STK38: variants seen among roughly 807,000 people sequenced by gnomAD.
The protein encoded by STK38 is serine/threonine-protein kinase 38.
In STK38, 26 loss-of-function variants were observed where a neutral mutation model predicts 59.0. The ratio of observed to expected loss-of-function variants is 0.44; its 90% CI spans 0.32 to 0.61. The LOEUF (loss-of-function observed/expected upper bound fraction) is 0.61. Ranked by LOEUF, STK38 falls within the 20% of genes least tolerant of loss-of-function variation. The pLI is 0.04. For synonymous variants in STK38, 175 were observed against 176.6 expected (o/e 0.99, Z 0.07); for missense variants, 433 against 566.0 (o/e 0.76, Z 2.38).
chr6:36,536,849 T>C (rs1439644129), intron 2 of STK38, among the ~76,000 whole-genome samples: 1 of 150,340 alleles, frequency 6.7e-6, no homozygotes, highest in Non-Finnish European at 1.5e-5. Context: ...ATTAGTTAAT[T>C]TTTTTTTTTT....
chr6:36,508,262 A>T (rs1286884636), intron 7 of STK38, among the ~76,000 whole-genome samples: 1 of 152,066 alleles, frequency 6.6e-6, no homozygotes, highest in Non-Finnish European at 1.5e-5. Flanking sequence ...AAGTCTACAT[A>T]ATATTCAGTT....
At chr6:36,517,668 A>T in intron 6 of STK38, 49 bp downstream of exon 6, 1 of 1,600,012 alleles carries the variant, frequency 6.2e-7, no homozygotes, top group Non-Finnish European at 8.5e-7. Flanking sequence ...TGAGAGAAAG[A>T]AACCACAGAA....
intron 7 of STK38, among the ~76,000 whole-genome samples, chr6:36,508,984 G>C (rs1001217836): frequency 5.3e-5 from 8 of 152,166 alleles, no homozygotes; most frequent in East Asian, 1.9e-4. Context: ...AGCCCTAAAG[G>C]GGGTGTCACA....
intron 7 of STK38, among the ~76,000 whole-genome samples, chr6:36,514,097 G>T (rs1174317150): frequency 6.7e-6 from 1 of 149,812 alleles, no homozygotes; most frequent in African/African-American, 2.5e-5. Context: ...AGAGCTTGCA[G>T]TGAGCCGAGA....
chr6:36,499,710 G>A (rs1776792223), intron 10 of STK38, among the ~76,000 whole-genome samples, 163 bp downstream of exon 10: 1 of 152,118 alleles, frequency 6.6e-6, no homozygotes, highest in Admixed American at 6.5e-5. Flanking sequence ...GAATGGAGTG[G>A]GATACATCTT....
intron 2 of STK38, among the ~76,000 whole-genome samples, chr6:36,537,413 C>A (rs1165416414): frequency 2.6e-5 from 4 of 152,074 alleles, no homozygotes; most frequent in Non-Finnish European, 4.4e-5. Context: ...TATCTGAGAA[C>A]TGAAAACAAA....
chr6:36,518,349 A>G (rs1777303456), intron 5 of STK38, among the ~76,000 whole-genome samples: 1 of 152,258 alleles, frequency 6.6e-6, no homozygotes, highest in Admixed American at 6.5e-5. Context: ...TTGAAATACA[A>G]GAACACCTAT....
intron 12 of STK38, 57 bp downstream of exon 12, chr6:36,497,717 AATTATT>A: frequency 7.2e-7 from 1 of 1,389,444 alleles, no homozygotes; most frequent in South Asian, 1.2e-5. Context: ...GGTCCTTCCA[AATTATT>A]ATTAAGTAAA....
intron 7 of STK38, among the ~76,000 whole-genome samples, chr6:36,512,685 A>G (rs146446618): frequency 1.3e-5 from 2 of 151,912 alleles, no homozygotes; most frequent in East Asian, 3.9e-4. Flanking sequence ...TTTGAGATGG[A>G]GTCTCGCTCT....
chr6:36,509,937 G>C (rs1777066940), intron 7 of STK38, among the ~76,000 whole-genome samples: 1 of 152,202 alleles, frequency 6.6e-6, no homozygotes, highest in Admixed American at 6.5e-5. Context: ...TCCAGGGTTT[G>C]TATGGGTTTC....
At chr6:36,545,312 AAAAG>A (rs1287890067) in intron 1 of STK38, among the ~76,000 whole-genome samples, 1 of 151,140 alleles carries the variant, frequency 6.6e-6, no homozygotes, top group African/African-American at 2.4e-5. Context: ...AAAAAAAAAA[AAAAG>A]AATAAAGACT....
intron 2 of STK38, among the ~76,000 whole-genome samples, chr6:36,535,562 C>T (rs933990504): frequency 6.6e-6 from 1 of 152,048 alleles, no homozygotes; most frequent in African/African-American, 2.4e-5. Flanking sequence ...ACGAACTGAT[C>T]TACAGAGTCA....
chr6:36,499,829 G>A, intron 10 of STK38, 44 bp downstream of exon 10: 1 of 1,468,942 alleles, frequency 6.8e-7, no homozygotes, highest in Non-Finnish European at 9.5e-7. Flanking sequence ...GTAAAAGTCT[G>A]TCATGGATGC....
chr6:36,515,518 C>CCA (rs66494457), intron 6 of STK38, 26 bp from the exon 7 acceptor site: 151,198 of 1,518,338 alleles, frequency 0.1, 929 homozygotes, highest in South Asian at 0.13. Flanking sequence ...TACAAAGCCA[C>CCA]CACACACACA....
intron 6 of STK38, 88 bp downstream of exon 6, chr6:36,517,628 TA>T (rs1777287665): frequency 6.5e-7 from 1 of 1,527,260 alleles, no homozygotes; most frequent in Admixed American, 2.1e-5. Context: ...TGAGCACATT[TA>T]AAAGTAGAAA....
chr6:36,543,096 G>A (rs1486278297), intron 1 of STK38, among the ~76,000 whole-genome samples: 10 of 149,424 alleles, frequency 6.7e-5, no homozygotes, highest in African/African-American at 1.2e-4. Context: ...ACGAAGTCTC[G>A]CTCTGTCGCC....
At chr6:36,530,021 G>A (rs758845291) in intron 2 of STK38, among the ~76,000 whole-genome samples, 19 of 152,168 alleles carry the variant, frequency 1.2e-4, no homozygotes, top group South Asian at 4.1e-4. Flanking sequence ...CTCGCACACC[G>A]CCTGAGGCCA....
intron 1 of STK38, 59 bp from the exon 2 acceptor site, chr6:36,540,266 C>T: frequency 1.3e-6 from 2 of 1,542,484 alleles, no homozygotes; most frequent in Non-Finnish European, 8.8e-7. Flanking sequence ...CCAGTGTGCA[C>T]TCTCCTACCC....
At position 36,515,370 on chromosome 6, in the gene STK38, T is replaced by C. The variant is rs982696056; in HGVS notation, c.637A>G (p.Ile213Val). The C allele has an allele frequency of 3.7e-6, 6 of 1,614,048 alleles. No individual in the cohort carries two copies. The Admixed American group carries it at 8.3e-5, about 22-fold the overall frequency. ...IHQLGFIHRD[I>V]KPDNLLLDSK... is the part of the protein sequence containing the mutation. ...TCCAAAAGAAGGTTGTCTGGTTTGA[T>C]GTCTCTGTGGATGAATCCAAGTTGG... Residue 213 changes from isoleucine to valine, a missense_variant, in exon 7 of 14, where the codon ATC (isoleucine) becomes GTC (valine). Physicochemically the swap from Ile to Val is conservative, Grantham distance 29. Coordinates refer to ENST00000229812, the MANE Select transcript of STK38 (RefSeq NM_007271.4).
Sources: allele counts gnomAD v4.1 joint callset (sites outside exome capture counted in the v4.1 genomes callset), GRCh38; gene constraint gnomAD v4.1.1; transcripts MANE v1.5; gene names NCBI Gene and HGNC (gene_info 2026-07-23, HGNC 2026-07-21).